The following SELP variants were observed in gnomAD, a reference collection of about 807,000 sequenced individuals.
SELP encodes P-selectin.
SELP carries 92 observed loss-of-function variants against 104.1 expected under a neutral mutation model. The observed-to-expected ratio is 0.88, with a 90% confidence interval of 0.75 to 1.05. The LOEUF is 1.05. SELP is among the 50% of genes least tolerant of loss of function. The pLI is 0.00. For missense variants in SELP, 1,022 were observed against 1,017.3 expected, an observed-to-expected ratio of 1.00 and a Z score of -0.06; for synonymous variants, 397 against 364.5, an observed-to-expected ratio of 1.09 and a Z score of -1.01.
chr1:169,598,794 G>A (rs1171777397), intron 10 of SELP, among the ~76,000 whole-genome samples: 1 of 152,054 alleles, frequency 6.6e-6, no homozygotes, highest in Non-Finnish European at 1.5e-5. Flanking sequence ...ACATAGGAGG[G>A]GTTCTACAAA....
intron 15 of SELP, among the ~76,000 whole-genome samples, chr1:169,590,586 A>AG (rs1214093061): frequency 5.6e-5 from 7 of 125,060 alleles, no homozygotes; most frequent in African/African-American, 1.9e-4. Context: ...TTTATAACCA[A>AG]GAGTTCTTCC....
At chr1:169,624,021 T>C (rs1663258100) in intron 1 of SELP, among the ~76,000 whole-genome samples, 1 of 152,230 alleles carries the variant, frequency 6.6e-6, no homozygotes, top group Non-Finnish European at 1.5e-5. Context: ...TTAGAGAATC[T>C]CAGATGGTTC....
chr1:169,591,234 T>C (rs918723664), intron 15 of SELP, among the ~76,000 whole-genome samples, 192 bp downstream of exon 15: 2 of 152,222 alleles, frequency 1.3e-5, no homozygotes, highest in Non-Finnish European at 2.9e-5. Context: ...TTACTTTTCA[T>C]TTTATTCCTA....
At chr1:169,600,565 G>A (rs1557951177) in intron 10 of SELP, among the ~76,000 whole-genome samples, 1 of 152,126 alleles carries the variant, frequency 6.6e-6, no homozygotes, top group Non-Finnish European at 1.5e-5. Flanking sequence ...TATCGGTAGA[G>A]CCATCCCCCA....
Position 169,594,880 on chromosome 1 carries a change from G to T in SELP, c.2102-3C>A, listed in dbSNP as rs1430004133. ...ATGTAGTTCTGAGCATTTCACAGCTGCAGAAAAGAAATAATGCAAGAGAAA... is the reference window on the plus strand; with the variant it reads ...ATGTAGTTCTGAGCATTTCACAGCTTCAGAAAAGAAATAATGCAAGAGAAA... On this transcript the variant is annotated splice_polypyrimidine_tract_variant and splice_region_variant and intron_variant, in intron 12 of 16. Transcript: ENST00000263686. 1 of 1,607,436 alleles carries T rather than the reference G, an allele frequency of 6.2e-7. No individual in the cohort carries two copies. Among genetic ancestry groups the T allele is most frequent in the Non-Finnish European group, 8.5e-7 (1 of 1,175,548 alleles).
At chr1:169,614,300 A>C (rs191904018) in intron 3 of SELP, among the ~76,000 whole-genome samples, 43 of 151,906 alleles carry the variant, frequency 2.8e-4, no homozygotes, top group Middle Eastern at 3.4e-3. Flanking sequence ...TACTCATGGT[A>C]AAGGACAAAC....
At chr1:169,627,833 A>C (rs1196122130) in intron 1 of SELP, among the ~76,000 whole-genome samples, 1 of 152,252 alleles carries the variant, frequency 6.6e-6, no homozygotes, top group Non-Finnish European at 1.5e-5. Flanking sequence ...TGGAAGCCAC[A>C]TAAGGTGGTT....
At chr1:169,598,870 C>T (rs891324929) in intron 10 of SELP, among the ~76,000 whole-genome samples, 1 of 152,012 alleles carries the variant, frequency 6.6e-6, no homozygotes, top group African/African-American at 2.4e-5. Flanking sequence ...AAAAGGTATG[C>T]CTACCTGGTT....
rs918663556 is a variant in SELP, at chr1:169,591,518, G to T, written c.2408-62C>A. On this transcript the variant is annotated intron_variant, in intron 14 of 16. Transcript: ENST00000263686. The stretch of plus-strand genomic sequence containing the variant: ...AAAAAAAAACAAGATGAAAGAGAGG[G>T]TCATTAAGGATAGAAATTACTGGGG... 2.5e-6 allele frequency: 3 copies of T among 1,221,590 alleles called. No individual in the cohort carries two copies. In the Admixed American group the frequency reaches 6.9e-5, roughly 28 times the overall value. The allele number at this position is 1,221,590 out of a possible 1,614,324, so 75.7% of individuals were successfully genotyped here.
At chr1:169,607,203 A>C in intron 8 of SELP, 69 bp from the exon 9 acceptor site, 1 of 1,301,200 alleles carries the variant, frequency 7.7e-7, no homozygotes, top group Non-Finnish European at 1.0e-6. Context: ...TTGACCATTA[A>C]CTCTTTCTAG....
rs370554334 is a variant in SELP at position 169,597,180 on chromosome 1, G to C, written c.1706-4C>G. 18 of 1,582,028 alleles carry C rather than the reference G, an allele frequency of 1.1e-5. No homozygotes were observed. In the South Asian group the frequency reaches 1.7e-4, roughly 15 times the overall value. Reference sequence around the variant, plus strand: ...AAGAGTTCTGGGCACTTGATGGCTAGAGTATCAAATTAAGAGTGTCACAAT... The same window carrying C: ...AAGAGTTCTGGGCACTTGATGGCTACAGTATCAAATTAAGAGTGTCACAAT... On this transcript the variant is annotated splice_region_variant and splice_polypyrimidine_tract_variant and intron_variant, in intron 10 of 16. Transcript: ENST00000263686.
intron 10 of SELP, 38 bp downstream of exon 10, chr1:169,602,988 T>G: frequency 6.5e-7 from 1 of 1,543,132 alleles, no homozygotes; most frequent in Non-Finnish European, 8.9e-7. Context: ...TCTGATGTCA[T>G]CTTTAAAGCC....
intron 3 of SELP, among the ~76,000 whole-genome samples, chr1:169,614,728 C>A (rs1290500094): frequency 6.6e-6 from 1 of 152,146 alleles, no homozygotes; most frequent in Admixed American, 6.5e-5. Context: ...ATTCTATAAA[C>A]CATGCAAGGT....
In SELP at chr1:169,597,116, C is replaced by G; in HGVS notation, c.1766G>C (p.Arg589Pro). Reference protein sequence around the residue: ...EQGSLDCSDTRGEFNVGSTCH... With the variant: ...EQGSLDCSDTPGEFNVGSTCH... ...GGTGGAGCCAACATTGAATTCTCCA[C>G]GAGTGTCAGAACAATCCAGGCTGCC... Residue 589 changes from arginine (R) to proline (P), a missense_variant, in exon 11 of 17, where the codon CGT becomes CCT. By Grantham distance (103) the Arg-to-Pro change is moderately radical. Coordinates refer to ENST00000263686, the MANE Select transcript of SELP (RefSeq NM_003005.4). 1.9e-6 allele frequency: 3 copies of G among 1,612,988 alleles called. No homozygotes were observed. The highest frequency in any genetic ancestry group is 2.5e-6 in the Non-Finnish European group (3 of 1,179,430).
Position 169,619,181 on chromosome 1 carries a change from C to T in SELP, c.42G>A (p.Gln14=), listed in dbSNP as rs147232330. ...GTTGGGAAATTCCAAAGACCACTCT[C>T]TGGAATCTCTGGTACAAGATGGCTA... ...CQIAILYQRF[Q]RVVFGISQLL... Residue 14 remains glutamine (Q), a synonymous_variant, in exon 2 of 17, where the codon CAG becomes CAA. Coordinates refer to ENST00000263686, the MANE Select transcript of SELP (RefSeq NM_003005.4). The T allele has an allele frequency of 2.7e-5, 43 of 1,613,940 alleles. No homozygotes were observed. The highest frequency in any genetic ancestry group is 6.8e-6 in the Non-Finnish European group (8 of 1,179,914).
intron 10 of SELP, among the ~76,000 whole-genome samples, chr1:169,597,425 C>T (rs1159892552): frequency 6.6e-6 from 1 of 152,164 alleles, no homozygotes; most frequent in African/African-American, 2.4e-5. Flanking sequence ...AAGATTTAGG[C>T]AGCCATACTC....
At chr1:169,619,863 T>A (rs1312869239) in intron 1 of SELP, among the ~76,000 whole-genome samples, 1 of 152,204 alleles carries the variant, frequency 6.6e-6, no homozygotes, top group Middle Eastern at 3.2e-3. Flanking sequence ...TTATTTCTCA[T>A]GAACTCTCTT....
rs747463600 is a variant in SELP, at chr1:169,590,182, A to G, written c.2459T>C (p.Val820Ala). Residue 820 changes from valine to alanine, a missense_variant, in exon 16 of 17, where the codon GTT becomes GCT. Physicochemically the swap from Val to Ala is moderately conservative, Grantham distance 64 (BLOSUM62 0). Transcript: ENST00000263686. ...CGGGTCAAATGCAGCGTTTGTAAAA[A>G]CTCCATATGTTCCTAGGTGGCTAAA... ...NPHSHLGTYGVFTNAAFDPSP is the reference protein window; with the variant it reads ...NPHSHLGTYGAFTNAAFDPSP 1.9e-6 allele frequency: 3 copies of G among 1,613,226 alleles called. No individual in the cohort carries two copies. Among genetic ancestry groups the G allele is most frequent in the Non-Finnish European group, 2.5e-6 (3 of 1,179,320 alleles).
At chr1:169,594,933 T>C in intron 12 of SELP, 56 bp from the exon 13 acceptor site, 1 of 1,484,610 alleles carries the variant, frequency 6.7e-7, no homozygotes, top group Admixed American at 1.9e-5. Context: ...GTGAAAGAGA[T>C]TATAGTTTCT....
Sources: allele counts gnomAD v4.1 joint callset (sites outside exome capture counted in the v4.1 genomes callset), GRCh38; gene constraint gnomAD v4.1.1; transcripts MANE v1.5; gene names NCBI Gene and HGNC (gene_info 2026-07-23, HGNC 2026-07-21).